The following ARID4B variants were observed in gnomAD, a reference collection of about 807,000 sequenced individuals.
The protein encoded by ARID4B is AT-rich interaction domain 4B.
ARID4B carries 26 observed loss-of-function variants against 147.5 expected under a neutral mutation model. That is an observed-to-expected ratio of 0.18 (90% CI 0.13 to 0.24). The LOEUF is 0.24. ARID4B is among the 10% of genes least tolerant of loss of function. The probability of loss-of-function intolerance (pLI) is 1.00; values close to 1 mark genes in which losing one functional copy is unlikely to be tolerated. For missense variants in ARID4B, 1,179 were observed against 1,511.5 expected, an observed-to-expected ratio of 0.78 and a Z score of 3.65; for synonymous variants, 512 against 507.9, an observed-to-expected ratio of 1.01 and a Z score of -0.11.
intron 10 of ARID4B, among the ~76,000 whole-genome samples, 168 bp from the exon 11 acceptor site, chr1:235,229,553 T>C (rs1640238552): frequency 6.6e-6 from 1 of 152,250 alleles, no homozygotes; most frequent in African/African-American, 2.4e-5. Context: ...TAGCAATATA[T>C]TTAATCCTAT....
At chr1:235,197,287 G>A (rs374913033) in intron 17 of ARID4B, among the ~76,000 whole-genome samples, 145 of 152,212 alleles carry the variant, frequency 9.5e-4, no homozygotes, top group African/African-American at 3.2e-3. Flanking sequence ...ACCTGAAAAC[G>A]AGCTTTTAAA....
At chr1:235,179,543 A>AAC (rs2102916821) in intron 20 of ARID4B, among the ~76,000 whole-genome samples, 1 of 149,756 alleles carries the variant, frequency 6.7e-6, no homozygotes, top group African/African-American at 2.4e-5. Flanking sequence ...AAAAAAAAAA[A>AAC]AAAAAAAAAA....
At position 235,175,259 on chromosome 1, in the gene ARID4B, T is replaced by A; in HGVS notation, c.3589A>T (p.Asn1197Tyr). 1 of 1,614,214 alleles carries A rather than the reference T, an allele frequency of 6.2e-7. No homozygotes were observed. Among genetic ancestry groups the A allele is most frequent in the Non-Finnish European group, 8.5e-7 (1 of 1,180,036 alleles). ...RTQSPGKCGK[N>Y]GDKDPDLKEP... ...TTGAGATCAGGATCCTTATCACCAT[T>A]CTTTCCACATTTTCCTGGAGACTGC... The change falls in exon 22 of 24, where the codon AAT becomes TAT. Residue 1197 changes from asparagine (N) to tyrosine (Y), a missense_variant. Coordinates refer to ENST00000264183, the MANE Select transcript of ARID4B (RefSeq NM_016374.6).
intron 17 of ARID4B, among the ~76,000 whole-genome samples, chr1:235,207,126 T>C (rs575747679): frequency 6.6e-6 from 1 of 152,328 alleles, no homozygotes; most frequent in Admixed American, 6.5e-5. Flanking sequence ...TAGGCAGATC[T>C]TATGAAGTGT....
intron 12 of ARID4B, among the ~76,000 whole-genome samples, chr1:235,224,315 C>T (rs189608642): frequency 2.6e-5 from 4 of 152,250 alleles, no homozygotes; most frequent in East Asian, 3.9e-4. Flanking sequence ...TCAATCCTTC[C>T]GTGGCCTTAG....
chr1:235,257,407 C>T (rs1670049211), intron 3 of ARID4B, among the ~76,000 whole-genome samples, 182 bp from the exon 4 acceptor site: 2 of 151,830 alleles, frequency 1.3e-5, no homozygotes, highest in African/African-American at 2.4e-5. Context: ...CAGACCGTAT[C>T]TGTTTTCAAA....
At chr1:235,184,300 C>T (rs1664521748) in intron 19 of ARID4B, among the ~76,000 whole-genome samples, 1 of 152,004 alleles carries the variant, frequency 6.6e-6, no homozygotes, top group Admixed American at 6.6e-5. Flanking sequence ...ACTTTTGATA[C>T]ACTTTGAACA....
At chr1:235,229,052 C>A in intron 11 of ARID4B, 179 bp downstream of exon 11, 2 of 679,780 alleles carry the variant, frequency 2.9e-6, no homozygotes, top group South Asian at 2.5e-5. Flanking sequence ...TTCACAAGAT[C>A]ATATATCTAA....
chr1:235,312,071 C>T (rs1481020522), intron 2 of ARID4B, among the ~76,000 whole-genome samples: 2 of 152,078 alleles, frequency 1.3e-5, no homozygotes, highest in East Asian at 1.9e-4. Flanking sequence ...AGGCAAATCA[C>T]GAGCTCAAGA....
chr1:235,309,568 C>G (rs1487523672), intron 2 of ARID4B, among the ~76,000 whole-genome samples: 1 of 149,254 alleles, frequency 6.7e-6, no homozygotes, highest in Non-Finnish European at 1.5e-5. Context: ...CAGCCCCCCG[C>G]CCGGTCAGCC....
intron 6 of ARID4B, among the ~76,000 whole-genome samples, chr1:235,252,341 A>T (rs1224822179): frequency 6.6e-6 from 1 of 152,218 alleles, no homozygotes; most frequent in Non-Finnish European, 1.5e-5. Flanking sequence ...TAATAATATC[A>T]GCTAATAGCA....
intron 2 of ARID4B, among the ~76,000 whole-genome samples, chr1:235,308,670 C>T (rs1445387712): frequency 2.0e-5 from 3 of 151,658 alleles, no homozygotes; most frequent in Non-Finnish European, 2.9e-5. Context: ...GGAGACGGGG[C>T]TTCGCTGTGT....
At chr1:235,179,525 CAAAAAAAAAAAAAAA>C (rs61143006) in intron 20 of ARID4B, among the ~76,000 whole-genome samples, 19,590 of 48,690 alleles carry the variant, frequency 0.4, 1,943 homozygotes, top group Middle Eastern at 0.5. Context: ...CTCTATGTCT[CAAAAAAAAAAAAAAA>C]AAAAAAAAAA....
At chr1:235,209,569 T>G (rs577065941) in intron 17 of ARID4B, among the ~76,000 whole-genome samples, 6 of 101,314 alleles carry the variant, frequency 5.9e-5, no homozygotes, top group East Asian at 4.3e-4. Flanking sequence ...TTTTGTTTTG[T>G]TTTTTTTTTT....
At chr1:235,273,128 C>T (rs1375986366) in intron 2 of ARID4B, among the ~76,000 whole-genome samples, 1 of 152,196 alleles carries the variant, frequency 6.6e-6, no homozygotes, top group Non-Finnish European at 1.5e-5. Flanking sequence ...ACCTCTGCCT[C>T]CCAGGTTCAA....
intron 2 of ARID4B, among the ~76,000 whole-genome samples, chr1:235,300,925 C>T (rs1673081020): frequency 6.6e-6 from 1 of 151,982 alleles, no homozygotes; most frequent in African/African-American, 2.4e-5. Flanking sequence ...CTATATTGGC[C>T]AGGATGGTCT....
At chr1:235,316,847 G>A (rs954668934) in intron 2 of ARID4B, among the ~76,000 whole-genome samples, 3 of 150,860 alleles carry the variant, frequency 2.0e-5, no homozygotes, top group Admixed American at 6.6e-5. Flanking sequence ...ACAAGATACA[G>A]ATATACATAT....
chr1:235,170,397 G>T (rs1332521123), intron 23 of ARID4B, among the ~76,000 whole-genome samples: 1 of 152,126 alleles, frequency 6.6e-6, no homozygotes, highest in Non-Finnish European at 1.5e-5. Context: ...AGAATCTAGA[G>T]ATATGATATG....
intron 2 of ARID4B, among the ~76,000 whole-genome samples, chr1:235,318,905 T>C (rs947852687): frequency 6.6e-6 from 1 of 151,960 alleles, no homozygotes; most frequent in South Asian, 2.1e-4. Flanking sequence ...GATTAGTTAC[T>C]GGAGGGATAA....
Sources: allele counts gnomAD v4.1 joint callset (sites outside exome capture counted in the v4.1 genomes callset), GRCh38; gene constraint gnomAD v4.1.1; transcripts MANE v1.5; gene names NCBI Gene and HGNC (gene_info 2026-07-23, HGNC 2026-07-21).